The following TOP1 variants were observed in gnomAD, a reference collection of about 807,000 sequenced individuals.
TOP1 encodes DNA topoisomerase 1.
A neutral mutation model predicts 111.1 loss-of-function variants in TOP1; 10 were observed. That is an observed-to-expected ratio of 0.09 (90% CI 0.06 to 0.15). TOP1 has a LOEUF of 0.15. Among genes scored for constraint, TOP1 ranks in the 10% least tolerant of loss-of-function variants. The pLI, the probability that TOP1 is intolerant of heterozygous loss-of-function variation, is 1.00. For missense variants in TOP1, 474 were observed against 926.7 expected (o/e 0.51, Z 6.34); for synonymous variants, 271 against 302.9 (o/e 0.89, Z 1.10).
chr20:41,085,143 T>A (rs73259878), intron 8 of TOP1, among the ~76,000 whole-genome samples: 9,357 of 149,394 alleles, frequency 0.063, 949 homozygotes, highest in African/African-American at 0.22. Flanking sequence ...ATTCCTAATA[T>A]GAAAAAAAGC....
In TOP1 at chr20:41,112,817, G is replaced by A. The variant is rs2145964011; in HGVS notation, c.1344G>A (p.Arg448=). Residue 448 remains arginine (R), a synonymous_variant, in exon 14 of 21, where the codon CGG becomes CGA. Transcript: ENST00000361337. The surrounding 1 kb of genome is among the most constrained non-coding windows in gnomAD (Gnocchi z 5.8). ...EKDWQKYETA[R]RLKKCVDKIR... ...ACTGGCAGAAATACGAGACTGCTCG[G>A]CGGCTGAAAAAATGTGTGGACAAGA... is the stretch of plus-strand genomic sequence containing the variant. 6 of 1,614,226 alleles carry A rather than the reference G, an allele frequency of 3.7e-6. No homozygotes were observed. The highest frequency in any genetic ancestry group is 5.1e-6 in the Non-Finnish European group (6 of 1,180,046).
intron 2 of TOP1, among the ~76,000 whole-genome samples, chr20:41,049,034 T>C (rs886513071): frequency 1.3e-5 from 2 of 152,212 alleles, no homozygotes; most frequent in Non-Finnish European, 2.9e-5. Flanking sequence ...AAAAGAAATT[T>C]AAATGCGGAA....
intron 2 of TOP1, among the ~76,000 whole-genome samples, chr20:41,052,014 A>C (rs1019725217): frequency 6.6e-6 from 1 of 152,180 alleles, no homozygotes; most frequent in Non-Finnish European, 1.5e-5. Flanking sequence ...ATTCTTTAAA[A>C]TCACTGAAAT....
In TOP1 at chr20:41,123,372, G is replaced by C. The variant is rs1274016051; in HGVS notation, c.*75G>C. The C allele has an allele frequency of 9.3e-7, 1 of 1,077,768 alleles. No individual in the cohort carries two copies. The highest frequency in any genetic ancestry group is 2.0e-5 in the Admixed American group (1 of 51,174). 66.8% of individuals were successfully genotyped at this position (1,077,768 alleles called of 1,614,324 possible). ...AAGATGGATAAACTGAGCCTCACTT[G>C]CCCTCGTGCCTGGGGGAGAGAGGCA... On this transcript the variant is annotated 3_prime_UTR_variant, in exon 21 of 21. Coordinates refer to ENST00000361337, the MANE Select transcript of TOP1 (RefSeq NM_003286.4). The surrounding 1 kb of genome is among the most constrained non-coding windows in gnomAD (Gnocchi z 5.8).
chr20:41,036,813 A>G (rs1243703993), intron 2 of TOP1, among the ~76,000 whole-genome samples: 2 of 148,186 alleles, frequency 1.3e-5, no homozygotes, highest in Non-Finnish European at 3.0e-5. Flanking sequence ...ATCCAATTGT[A>G]TATCTAGTTC....
chr20:41,078,818 C>T lies in TOP1; in HGVS notation c.335+1181C>T, dbSNP rs1161345300. ...GTCTCTATGTTCACTTTGCTGGACT[C>T]CTTGCTGGCTTGTGTATATGTCTTT... On this transcript the variant is annotated intron_variant, in intron 5 of 20. Coordinates refer to ENST00000361337, the MANE Select transcript of TOP1 (RefSeq NM_003286.4). This position sits in a 1 kb window ranked among gnomAD's most constrained non-coding sequence, Gnocchi z 5.3. Among the ~76,000 whole-genome samples, 1 of 152,172 alleles carries T rather than the reference C, an allele frequency of 6.6e-6. No individual in the cohort carries two copies. Among genetic ancestry groups the T allele is most frequent in the Non-Finnish European group, 1.5e-5 (1 of 68,034 alleles).
In TOP1 at chr20:41,079,879, T is replaced by C. The variant is rs1361565650; in HGVS notation, c.336-206T>C. ...GAGTCTTGATCCCAAATCCTGATAT[T>C]GCCCATTCACCTGTACAATGAGGAC... On this transcript the variant is annotated intron_variant, in intron 5 of 20. Coordinates refer to ENST00000361337, the MANE Select transcript of TOP1 (RefSeq NM_003286.4). This position sits in a 1 kb window ranked among gnomAD's most constrained non-coding sequence, Gnocchi z 4.0. 1.3e-5 allele frequency among the ~76,000 whole-genome samples: 2 copies of C among 152,236 alleles called. No homozygotes were observed. The highest frequency in any genetic ancestry group is 2.9e-5 in the Non-Finnish European group (2 of 68,046).
intron 2 of TOP1, among the ~76,000 whole-genome samples, chr20:41,051,272 A>G (rs775904618): frequency 1.5e-4 from 23 of 152,144 alleles, no homozygotes; most frequent in Non-Finnish European, 3.4e-4. Context: ...CTAAGTCTCA[A>G]ATCTATCATC....
At chr20:41,052,032 G>A (rs1315627785) in intron 2 of TOP1, among the ~76,000 whole-genome samples, 1 of 152,040 alleles carries the variant, frequency 6.6e-6, no homozygotes, top group Non-Finnish European at 1.5e-5. Flanking sequence ...AATTTTCTGA[G>A]CCCAAGTTTC....
At chr20:41,085,981 G>C (rs1356200338) in intron 8 of TOP1, among the ~76,000 whole-genome samples, 1 of 152,224 alleles carries the variant, frequency 6.6e-6, no homozygotes, top group Non-Finnish European at 1.5e-5. Flanking sequence ...GAAAGTAAAA[G>C]GCCAGGCACA....
chr20:41,066,836 G>C (rs997297181), intron 3 of TOP1, among the ~76,000 whole-genome samples: 2 of 152,044 alleles, frequency 1.3e-5, no homozygotes, highest in Non-Finnish European at 2.9e-5. Flanking sequence ...TTACAGGCGT[G>C]AGCCACCGCG....
At chr20:41,099,245 CTT>C (rs1178414917) in intron 11 of TOP1, among the ~76,000 whole-genome samples, 1 of 152,198 alleles carries the variant, frequency 6.6e-6, no homozygotes, top group African/African-American at 2.4e-5. Flanking sequence ...TTGCATCAGA[CTT>C]TGTGTCTCAG....
In TOP1 at chr20:41,071,227, T is replaced by C. The variant is rs1179404860; in HGVS notation, c.156-4944T>C. ...TCTCCCACTCTTCTATATAAGTGCC[T>C]TAGAGAAACTCTGGTCACCCTTTTC... On this transcript the variant is annotated intron_variant, in intron 3 of 20. Coordinates refer to ENST00000361337, the MANE Select transcript of TOP1 (RefSeq NM_003286.4). This position sits in a 1 kb window ranked among gnomAD's most constrained non-coding sequence, Gnocchi z 4.3. Among the ~76,000 whole-genome samples the C allele has an allele frequency of 6.6e-6, 1 of 152,206 alleles. No individual in the cohort carries two copies. Among genetic ancestry groups the C allele is most frequent in the African/African-American group, 2.4e-5 (1 of 41,444 alleles).
At chr20:41,056,767 C>T (rs2033477528) in intron 2 of TOP1, among the ~76,000 whole-genome samples, 2 of 152,154 alleles carry the variant, frequency 1.3e-5, no homozygotes, top group Admixed American at 6.5e-5. Flanking sequence ...TAAACATGAG[C>T]CACCGTGCTC....
Position 41,045,933 on chromosome 20 carries a change from CAGTT to C in TOP1, c.59-15458_59-15455del, listed in dbSNP as rs554651982. On this transcript the variant is annotated intron_variant, in intron 2 of 20. Transcript: ENST00000361337. ...TGCATCTTATAAGTAATCTGGCTCA[CAGTT>C]AGCTAGACATATATTAGTCTGATGG... Among the ~76,000 whole-genome samples the C allele has an allele frequency of 3.1e-3, 479 of 152,268 alleles. 3 individuals are homozygous for C. The highest frequency in any genetic ancestry group is 0.011 in the African/African-American group (455 of 41,540).
rs1214687377 is a variant in TOP1, at chr20:41,071,747, G to A, written c.156-4424G>A. On this transcript the variant is annotated intron_variant, in intron 3 of 20. Transcript: ENST00000361337. This position sits in a 1 kb window ranked among gnomAD's most constrained non-coding sequence, Gnocchi z 4.3. The stretch of plus-strand genomic sequence containing the variant: ...GATCTTTCCATTTGTTCTCTTTAGC[G>A]CTGACTTTTGCTTTCTAGTCCCTGC... Among the ~76,000 whole-genome samples the A allele has an allele frequency of 2.0e-5, 3 of 152,138 alleles. No individual in the cohort carries two copies. The highest frequency in any genetic ancestry group is 4.8e-5 in the African/African-American group (2 of 41,416).
At chr20:41,087,059 C>A (rs2033858043) in intron 8 of TOP1, among the ~76,000 whole-genome samples, 1 of 152,198 alleles carries the variant, frequency 6.6e-6, no homozygotes, top group Non-Finnish European at 1.5e-5. Flanking sequence ...ACACACTTTA[C>A]AAGCTTGACA....
chr20:41,120,443 C>A (rs575065056), intron 18 of TOP1, among the ~76,000 whole-genome samples: 1 of 152,352 alleles, frequency 6.6e-6, no homozygotes, highest in Admixed American at 6.5e-5. Context: ...AGGTTGTCTT[C>A]ACCTCACATA....
At chr20:41,088,238 C>T (rs2033871310) in intron 8 of TOP1, among the ~76,000 whole-genome samples, 1 of 152,198 alleles carries the variant, frequency 6.6e-6, no homozygotes, top group Non-Finnish European at 1.5e-5. Context: ...GTGGCTCACG[C>T]CTGTAATCCC....
Sources: gnomAD v4.1 joint callset for allele counts (sites outside exome capture counted in the v4.1 genomes callset) on GRCh38, gnomAD v4.1.1 for gene constraint, Gnocchi (gnomAD v3.1) non-coding constraint, MANE v1.5 for transcripts, NCBI Gene and HGNC (gene_info 2026-07-23, HGNC 2026-07-21) for gene names.